NPAS3: variants seen among roughly 807,000 people sequenced by gnomAD.
NPAS3 encodes neuronal PAS domain protein 3.
Under a neutral mutation model 73.1 loss-of-function variants are expected in NPAS3, and 14 were observed. That is an observed-to-expected ratio of 0.19 (90% confidence interval 0.13 to 0.30). The LOEUF is 0.30. Among genes scored for constraint, NPAS3 ranks in the 10% least tolerant of loss-of-function variants. The pLI is 1.00. For synonymous variants in NPAS3, 620 were observed against 541.5 expected, an observed-to-expected ratio of 1.14 and a Z score of -2.01; for missense variants, 1,096 against 1,250.0, an observed-to-expected ratio of 0.88 and a Z score of 1.86.
intron 2 of NPAS3, chr14:33,214,972 T>C (rs150638693): frequency 1.3e-4 from 76 of 569,800 alleles, no homozygotes; most frequent in African/African-American, 1.3e-3. Context: ...TTTTTACTCA[T>C]TGGACTTGAG....
chr14:33,500,322 C>A (rs1208264405), intron 4 of NPAS3, among the ~76,000 whole-genome samples: 2 of 151,908 alleles, frequency 1.3e-5, no homozygotes, highest in Middle Eastern at 3.4e-3. Flanking sequence ...GAAGGTAAAG[C>A]TACATGAATT....
intron 3 of NPAS3, among the ~76,000 whole-genome samples, chr14:33,366,227 C>A (rs958957106): frequency 6.6e-6 from 1 of 151,700 alleles, no homozygotes; most frequent in Non-Finnish European, 1.5e-5. Context: ...GCTTCTTGAT[C>A]TGTGAATAGT....
rs541427482 is a variant in NPAS3 at position 33,558,335 on chromosome 14, A to G, written c.469-1786A>G. Among the ~76,000 whole-genome samples the G allele has an allele frequency of 2.6e-5, 4 of 151,786 alleles. No homozygotes were observed. In the South Asian group the frequency reaches 6.2e-4, roughly 24 times the overall value. ...GAGTACAGTGGCGTGATCTTGGCTT[A>G]CTGCAACCTCCTCCTCCCGGGCTCA... On this transcript the variant is annotated intron_variant, in intron 4 of 11. Transcript: ENST00000356141.
chr14:33,282,752 A>T (rs964510942), intron 3 of NPAS3, among the ~76,000 whole-genome samples: 2 of 152,144 alleles, frequency 1.3e-5, no homozygotes, highest in Non-Finnish European at 2.9e-5. Context: ...GGCTGGTGGG[A>T]CTGCAGCTGG....
intron 4 of NPAS3, among the ~76,000 whole-genome samples, chr14:33,479,181 T>A (rs760050628): frequency 6.6e-6 from 1 of 152,218 alleles, no homozygotes; most frequent in Non-Finnish European, 1.5e-5. Context: ...GCTATTTCAT[T>A]ATGCCAACTA....
intron 4 of NPAS3, among the ~76,000 whole-genome samples, chr14:33,442,484 T>C (rs1031091174): frequency 7.2e-5 from 11 of 152,184 alleles, no homozygotes; most frequent in African/African-American, 2.7e-4. Flanking sequence ...AAATCTCATA[T>C]TGAATTGTAG....
intron 3 of NPAS3, among the ~76,000 whole-genome samples, chr14:33,317,394 G>A (rs1054208800): frequency 6.6e-6 from 1 of 152,038 alleles, no homozygotes; most frequent in Non-Finnish European, 1.5e-5. Context: ...GGCTTACCAA[G>A]GCTAAGTAGC....
At chr14:33,702,132 C>T (rs2060540090) in intron 6 of NPAS3, among the ~76,000 whole-genome samples, 1 of 152,194 alleles carries the variant, frequency 6.6e-6, no homozygotes, top group African/African-American at 2.4e-5. Flanking sequence ...AGAGGCTGTC[C>T]TCTGTTCCAT....
chr14:33,095,777 T>A (rs1466948082), intron 2 of NPAS3, among the ~76,000 whole-genome samples: 1 of 150,310 alleles, frequency 6.7e-6, no homozygotes, highest in Admixed American at 6.7e-5. Context: ...CACGCCATTC[T>A]CCTGCCTCAG....
intron 4 of NPAS3, among the ~76,000 whole-genome samples, chr14:33,414,538 A>G (rs2048068863): frequency 6.6e-6 from 1 of 152,118 alleles, no homozygotes; most frequent in South Asian, 2.1e-4. Flanking sequence ...TCTTTTGCCC[A>G]TTACTGATAA....
chr14:33,224,352 A>G (rs1282657976), intron 3 of NPAS3, among the ~76,000 whole-genome samples: 1 of 152,188 alleles, frequency 6.6e-6, no homozygotes, highest in Non-Finnish European at 1.5e-5. Context: ...TTTAATTTTC[A>G]GAAATGGCTT....
At chr14:33,220,629 G>A (rs963651982) in intron 3 of NPAS3, among the ~76,000 whole-genome samples, 1 of 152,132 alleles carries the variant, frequency 6.6e-6, no homozygotes, top group Admixed American at 6.5e-5. Flanking sequence ...GACAATTGCA[G>A]GCTAAATGAT....
intron 5 of NPAS3, among the ~76,000 whole-genome samples, chr14:33,634,049 A>G (rs1437675193): frequency 6.6e-6 from 1 of 152,188 alleles, no homozygotes; most frequent in African/African-American, 2.4e-5. Flanking sequence ...CTCCCTTCAG[A>G]GCCAATTTAG....
chr14:33,735,533 A>G lies in NPAS3; in HGVS notation c.852+201A>G, dbSNP rs530220264. On this transcript the variant is annotated intron_variant, in intron 7 of 11. Transcript: ENST00000356141. ...TCACTTCAGACATTGCTGGTGCACTAAAAACCCCAATATAGTGTCTTTTCT... is the reference window on the plus strand; with the variant it reads ...TCACTTCAGACATTGCTGGTGCACTGAAAACCCCAATATAGTGTCTTTTCT... 3.2e-4 allele frequency among the ~76,000 whole-genome samples: 49 copies of G among 152,276 alleles called. No individual in the cohort carries two copies. In the South Asian group the frequency reaches 1.0e-2, roughly 31 times the overall value.
rs558371534 is a variant in NPAS3, at chr14:33,501,912, C to T, written c.469-58209C>T. Reference sequence around the variant, plus strand: ...GAACTTTCTCTGGAGCACATTTATACGTTAAGATAAAAAGTGAATCATTAT... The same window carrying T: ...GAACTTTCTCTGGAGCACATTTATATGTTAAGATAAAAAGTGAATCATTAT... On this transcript the variant is annotated intron_variant, in intron 4 of 11. Transcript: ENST00000356141. Among the ~76,000 whole-genome samples, 6 of 152,006 alleles carry T rather than the reference C, an allele frequency of 3.9e-5. No individual in the cohort carries two copies. In the East Asian group the frequency reaches 7.8e-4, roughly 20 times the overall value.
chr14:33,419,377 A>G (rs2048282937), intron 4 of NPAS3, among the ~76,000 whole-genome samples: 1 of 151,930 alleles, frequency 6.6e-6, no homozygotes. Flanking sequence ...TGTATATTTT[A>G]TATAGAGGCA....
At chr14:33,490,388 C>A (rs1357913776) in intron 4 of NPAS3, among the ~76,000 whole-genome samples, 2 of 151,626 alleles carry the variant, frequency 1.3e-5, no homozygotes, top group African/African-American at 4.8e-5. Flanking sequence ...TTTTTTCTTT[C>A]TTATCATTGC....
rs561756532 is a variant in NPAS3, at chr14:33,090,721, A to T, written c.140+34727A>T. ...TTCTTCTCAGCACCACATCACACTT[A>T]TTCCAAAATTGACCACATATTTGGA... On this transcript the variant is annotated intron_variant, in intron 2 of 11. Transcript: ENST00000356141. Among the ~76,000 whole-genome samples the T allele has an allele frequency of 2.6e-5, 4 of 152,350 alleles. No individual in the cohort carries two copies. The East Asian group carries it at 7.7e-4, about 29-fold the overall frequency.
At chr14:33,401,142 C>CA (rs150278104) in intron 4 of NPAS3, among the ~76,000 whole-genome samples, 3,574 of 152,154 alleles carry the variant, frequency 0.023, 146 homozygotes, top group African/African-American at 0.082. Context: ...CAGAGCCTTA[C>CA]AAAAAACAGG....
Sources: gnomAD v4.1 joint callset for allele counts (sites outside exome capture counted in the v4.1 genomes callset) on GRCh38, gnomAD v4.1.1 for gene constraint, MANE v1.5 for transcripts, NCBI Gene and HGNC (gene_info 2026-07-23, HGNC 2026-07-21) for gene names.